Variants in MARS1 observed in about 807,000 individuals in gnomAD.
MARS1 encodes methionine--tRNA ligase, cytoplasmic.
MARS1 carries 80 observed loss-of-function variants against 119.5 expected under a neutral mutation model. The observed-to-expected ratio is 0.67, with a 90% CI of 0.56 to 0.81. The LOEUF (loss-of-function observed/expected upper bound fraction) is 0.81. Among genes scored for constraint, MARS1 ranks in the 30% least tolerant of loss-of-function variants. The pLI is 0.00. For synonymous variants in MARS1, 418 were observed against 433.4 expected (o/e 0.96, Z 0.44); for missense variants, 945 against 1,116.5 (o/e 0.85, Z 2.19).
intron 7 of MARS1, among the ~76,000 whole-genome samples, chr12:57,494,122 A>AT (rs1396944954): frequency 1.2e-4 from 17 of 143,850 alleles, no homozygotes; most frequent in Non-Finnish European, 2.0e-4. Flanking sequence ...TGCCCAGCTA[A>AT]TTTTTGTATT....
In MARS1 at chr12:57,514,820, C is replaced by T; in HGVS notation, c.2068C>T (p.Gln690Ter). Residue 690 changes from glutamine to a stop codon, truncating the protein, a stop_gained, in exon 16 of 21, where the codon CAG (glutamine) becomes TAG (stop). Coordinates refer to ENST00000262027, the MANE Select transcript of MARS1 (RefSeq NM_004990.4). LOFTEE classifies it high-confidence loss of function. Reference sequence around the variant, plus strand: ...GCTGGCCCATGTCACCCTGGAGCTCCAGCACTATCACCAGCTACTTGAGAA... The same window carrying T: ...GCTGGCCCATGTCACCCTGGAGCTCTAGCACTATCACCAGCTACTTGAGAA... ...RLLAHVTLELQHYHQLLEKVR... is the reference protein window; with the variant it reads ...RLLAHVTLEL 1 of 1,614,156 alleles carries T rather than the reference C, an allele frequency of 6.2e-7. No homozygotes were observed. The highest frequency in any genetic ancestry group is 8.5e-7 in the Non-Finnish European group (1 of 1,179,994).
In MARS1 at chr12:57,502,727, C is replaced by CAA. The variant is rs1177776673; in HGVS notation, c.1294-1497_1294-1496dup. Among the ~76,000 whole-genome samples, 6 of 91,458 alleles carry CAA rather than the reference C, an allele frequency of 6.6e-5. 2 individuals carry two copies. The highest frequency in any genetic ancestry group is 1.4e-4 in the Non-Finnish European group (6 of 41,854). 60.0% of individuals were successfully genotyped at this position (91,458 alleles called of 152,430 possible). A position where few individuals can be genotyped will look rare whatever the true frequency, so the allele number is the denominator to read the frequency against. On this transcript the variant is annotated intron_variant, in intron 10 of 20. Coordinates refer to ENST00000262027, the MANE Select transcript of MARS1 (RefSeq NM_004990.4). The stretch of plus-strand genomic sequence containing the variant: ...TCTCAAAAAAAAAAAAAAAAAGCAA[C>CAA]AACAACAAAAAAAAAACAAGCCAGG...
Position 57,500,524 on chromosome 12 carries a change from T to G in MARS1, c.1293+2T>G. 2 of 1,613,930 alleles carry G rather than the reference T, an allele frequency of 1.2e-6. No individual in the cohort carries two copies. Among genetic ancestry groups the G allele is most frequent in the Non-Finnish European group, 1.7e-6 (2 of 1,179,882 alleles). ...CTCATCAATGCTGTCGAGCTTAAGG[T>G]AAGAGGAGGGTCTCCATGGGAGCCC... On this transcript the variant is annotated splice_donor_variant, in intron 10 of 20. Coordinates refer to ENST00000262027, the MANE Select transcript of MARS1 (RefSeq NM_004990.4). LOFTEE classifies it high-confidence loss of function.
chr12:57,516,589 T>C lies in MARS1; in HGVS notation c.*8T>C. On this transcript the variant is annotated 3_prime_UTR_variant, in exon 21 of 21. Transcript: ENST00000262027. ...GGCAAGAAGAAAAAGTAAAAGACCTTGGCTCATAGAAAGTCACTTTAATAG... is the reference window on the plus strand; with the variant it reads ...GGCAAGAAGAAAAAGTAAAAGACCTCGGCTCATAGAAAGTCACTTTAATAG... 6.4e-7 allele frequency: 1 copy of C among 1,564,564 alleles called. No individual in the cohort carries two copies. The highest frequency in any genetic ancestry group is 1.2e-5 in the South Asian group (1 of 83,052).
intron 14 of MARS1, 59 bp downstream of exon 14, chr12:57,512,412 ACTTGGAAAAAGAT>A (rs1877565892): frequency 8.2e-7 from 1 of 1,218,530 alleles, no homozygotes; most frequent in Non-Finnish European, 1.2e-6. Flanking sequence ...GTGAGGCAGT[ACTTGGAAAAAGAT>A]CTTGGAGAGC....
intron 18 of MARS1, among the ~76,000 whole-genome samples, 172 bp from the exon 19 acceptor site, chr12:57,515,748 G>A (rs1025120499): frequency 5.9e-5 from 9 of 152,168 alleles, no homozygotes; most frequent in Admixed American, 3.9e-4. Context: ...AATTATTTGG[G>A]GTTTCACAGG....
chr12:57,490,133 A>G, intron 5 of MARS1, 74 bp from the exon 6 acceptor site: 1 of 1,528,032 alleles, frequency 6.5e-7, no homozygotes, highest in South Asian at 1.2e-5. Context: ...AACCTCACAA[A>G]GAAGGGGAAA....
At chr12:57,493,317 T>C (rs1178543268) in intron 7 of MARS1, among the ~76,000 whole-genome samples, 1 of 103,326 alleles carries the variant, frequency 9.7e-6, no homozygotes, top group Non-Finnish European at 1.8e-5. Context: ...ATATATTATA[T>C]AATATATTAT....
In MARS1 at chr12:57,498,206, T is replaced by TA; in HGVS notation, c.821dup (p.Tyr274Ter). The change falls in exon 8 of 21, where the codon TAC becomes TAAC. Residue 274 changes from tyrosine (Y) to a stop codon, truncating the protein, a stop_gained and frameshift_variant. Transcript: ENST00000262027. LOFTEE classifies it high-confidence loss of function. ...TGTGCTCATCACCAGTGCCCTCCCTTACGTCAACAATGTCCCCCACCTTGG... is the reference window on the plus strand; with the variant it reads ...TGTGCTCATCACCAGTGCCCTCCCTTAACGTCAACAATGTCCCCCACCTTGG... ...RNVLITSALP[Y>*]VNNVPHLGNI... 6.2e-7 allele frequency: 1 copy of TA among 1,614,198 alleles called. No homozygotes were observed. The highest frequency in any genetic ancestry group is 1.1e-5 in the South Asian group (1 of 91,086).
At chr12:57,498,121 C>T (rs1171249033) in intron 7 of MARS1, 36 bp from the exon 8 acceptor site, 2 of 1,372,360 alleles carry the variant, frequency 1.5e-6, no homozygotes, top group Non-Finnish European at 1.0e-6. Context: ...CCCTCACATC[C>T]CCCCATGCAC....
intron 18 of MARS1, 125 bp downstream of exon 18, chr12:57,515,461 TA>T: frequency 1.1e-6 from 1 of 926,620 alleles, no homozygotes. Context: ...GTTTCTGATA[TA>T]AAGTCCTTGG....
Position 57,511,494 on chromosome 12 carries a change from T to C in MARS1, c.1369-204T>C, listed in dbSNP as rs926109819. ...GGGGAGGTTGAGGTAGGAGGATTGC[T>C]TGAGCCCAGGAGGTTTAGGCTGCAG... On this transcript the variant is annotated intron_variant, in intron 11 of 20. Transcript: ENST00000262027. The C allele has an allele frequency of 6.9e-6, 4 of 580,728 alleles. No homozygotes were observed. In the African/African-American group the frequency reaches 7.5e-5, roughly 11 times the overall value. 36.0% of individuals were successfully genotyped at this position (580,728 alleles called of 1,614,324 possible).
Position 57,493,756 on chromosome 12 carries a change from ATTAT to A in MARS1, c.770+3113_770+3116del, listed in dbSNP as rs1475890799. Reference sequence around the variant, plus strand: ...ATATAATATATATTATATACATTATATTATATATATTATATATAATATATATTAT... The same window carrying A: ...ATATAATATATATTATATACATTATAATATATTATATATAATATATATTAT... On this transcript the variant is annotated intron_variant, in intron 7 of 20. Coordinates refer to ENST00000262027, the MANE Select transcript of MARS1 (RefSeq NM_004990.4). 1.8e-3 allele frequency among the ~76,000 whole-genome samples: 7 copies of A among 3,944 alleles called. 2 individuals are homozygous for A. The highest frequency in any genetic ancestry group is 0.012 in the South Asian group (1 of 84). 2.6% of individuals were successfully genotyped at this position (3,944 alleles called of 152,430 possible).
At chr12:57,493,863 T>TA (rs1876399029) in intron 7 of MARS1, among the ~76,000 whole-genome samples, 1 of 22,308 alleles carries the variant, frequency 4.5e-5, no homozygotes, top group African/African-American at 1.6e-4. Context: ...TATATTTATA[T>TA]TATATAATAT....
In MARS1 at chr12:57,498,626, A is replaced by G. The variant is rs2140017230; in HGVS notation, c.1091+3A>G. 6.2e-7 allele frequency: 1 copy of G among 1,613,832 alleles called. No homozygotes were observed. Among genetic ancestry groups the G allele is most frequent in the Non-Finnish European group, 8.5e-7 (1 of 1,179,748 alleles). On this transcript the variant is annotated splice_donor_region_variant and intron_variant, in intron 9 of 20. Coordinates refer to ENST00000262027, the MANE Select transcript of MARS1 (RefSeq NM_004990.4). The stretch of plus-strand genomic sequence containing the variant: ...ACCACCACTCCACAGCAGACCAAGT[A>G]AGTTTCCTCTAATGAGGCAGAAATG...
chr12:57,514,952 A>G lies in MARS1; in HGVS notation c.2100-2A>G. The stretch of plus-strand genomic sequence containing the variant: ...ACCTTGGCCTGCTTCCTCCCTTCCC[A>G]GGATCCGGGATGCCTTGCGCAGTAT... On this transcript the variant is annotated splice_acceptor_variant, in intron 16 of 20. Transcript: ENST00000262027. LOFTEE classifies it high-confidence loss of function. 2 of 1,614,130 alleles carry G rather than the reference A, an allele frequency of 1.2e-6. No homozygotes were observed. Among genetic ancestry groups the G allele is most frequent in the Non-Finnish European group, 1.7e-6 (2 of 1,180,010 alleles).
In MARS1 at chr12:57,490,192, C is replaced by T. The variant is rs1389820721; in HGVS notation, c.491-15C>T. On this transcript the variant is annotated splice_polypyrimidine_tract_variant and intron_variant, in intron 5 of 20. Transcript: ENST00000262027. ...TCCTTATGTTTGCTGATTTTCTTTTCTTCCATACCCACAGAGGAGCTGAGT... is the reference window on the plus strand; with the variant it reads ...TCCTTATGTTTGCTGATTTTCTTTTTTTCCATACCCACAGAGGAGCTGAGT... 2.5e-6 allele frequency: 4 copies of T among 1,603,294 alleles called. No homozygotes were observed. Among genetic ancestry groups the T allele is most frequent in the African/African-American group, 1.3e-5 (1 of 74,270 alleles).
Position 57,498,474 on chromosome 12 carries a change from T to C in MARS1, c.942T>C (p.Tyr314=). The change falls in exon 9 of 21, where the codon TAT becomes TAC. Residue 314 remains tyrosine, a synonymous_variant. Coordinates refer to ENST00000262027, the MANE Select transcript of MARS1 (RefSeq NM_004990.4). ...TCTATCTGTGTGGGACAGATGAGTATGGTACAGCAACAGAGACCAAGGCTC... is the reference window on the plus strand; with the variant it reads ...TCTATCTGTGTGGGACAGATGAGTACGGTACAGCAACAGAGACCAAGGCTC... ...NTLYLCGTDE[Y]GTATETKALE... The C allele has an allele frequency of 1.2e-6, 2 of 1,614,176 alleles. No homozygotes were observed. The highest frequency in any genetic ancestry group is 1.7e-6 in the Non-Finnish European group (2 of 1,180,034).
chr12:57,510,978 G>A (rs1437621990), intron 11 of MARS1, among the ~76,000 whole-genome samples: 1 of 152,050 alleles, frequency 6.6e-6, no homozygotes, highest in African/African-American at 2.4e-5. Context: ...GGAGGCTGAG[G>A]TGGAAGGATC....
Sources: gnomAD v4.1 joint callset for allele counts (sites outside exome capture counted in the v4.1 genomes callset) on GRCh38, gnomAD v4.1.1 for gene constraint, MANE v1.5 for transcripts, NCBI Gene and HGNC (gene_info 2026-07-23, HGNC 2026-07-21) for gene names.